The following RBM39 variants were observed in gnomAD, a reference collection of about 807,000 sequenced individuals.
RBM39 encodes the protein RNA-binding protein 39.
Under a neutral mutation model 79.6 loss-of-function variants are expected in RBM39, and 12 were observed. The ratio of observed to expected loss-of-function variants is 0.15; its 90% confidence interval spans 0.10 to 0.24. The LOEUF (loss-of-function observed/expected upper bound fraction) is 0.24. RBM39 is among the 10% of genes least tolerant of loss of function. The pLI is 1.00. For missense variants in RBM39, 243 were observed against 653.4 expected (o/e 0.37, Z 6.85); for synonymous variants, 185 against 208.4 (o/e 0.89, Z 0.97).
Position 35,729,031 on chromosome 20 carries a change from G to C in RBM39, c.416+281C>G, listed in dbSNP as rs1008334380. Reference sequence around the variant, plus strand: ...GCGGAGGTTGCAGTAAGCCAAGACTGCACTACTGCACTCCATCCTGGGTGA... The same window carrying C: ...GCGGAGGTTGCAGTAAGCCAAGACTCCACTACTGCACTCCATCCTGGGTGA... On this transcript the variant is annotated intron_variant, in intron 6 of 16. Coordinates refer to ENST00000253363, the MANE Select transcript of RBM39 (RefSeq NM_184234.3). Among the ~76,000 whole-genome samples, 8 of 151,480 alleles carry C rather than the reference G, an allele frequency of 5.3e-5. No homozygotes were observed. In the East Asian group the frequency reaches 7.8e-4, roughly 15 times the overall value.
intron 3 of RBM39, chr20:35,734,872 T>C (rs897591102): frequency 5.9e-6 from 9 of 1,515,144 alleles, no homozygotes; most frequent in Non-Finnish European, 7.0e-6. Flanking sequence ...AAATCCACAC[T>C]AATAGTCAAA....
chr20:35,738,017 C>T lies in RBM39; in HGVS notation c.101+951G>A, dbSNP rs564714461. 4.9e-4 allele frequency among the ~76,000 whole-genome samples: 74 copies of T among 151,714 alleles called. 1 individual carries two copies. The highest frequency in any genetic ancestry group is 1.0e-3 in the South Asian group (5 of 4,802). ...AAAAATAAAAAAAAAATTAGCCAGG[C>T]GTGATGGCGCGCGCCTGTAGTCCCA... On this transcript the variant is annotated intron_variant, in intron 3 of 16. Coordinates refer to ENST00000253363, the MANE Select transcript of RBM39 (RefSeq NM_184234.3).
At chr20:35,716,629 T>A (rs1180383600) in intron 10 of RBM39, 111 bp downstream of exon 10, 2 of 730,820 alleles carry the variant, frequency 2.7e-6, no homozygotes, top group East Asian at 5.5e-5. Flanking sequence ...TTTGGAAGGC[T>A]AAGGTGGGAC....
At chr20:35,720,820 ACTG>A (rs746297406) in intron 9 of RBM39, among the ~76,000 whole-genome samples, 1 of 152,306 alleles carries the variant, frequency 6.6e-6, no homozygotes, top group Non-Finnish European at 1.5e-5. Context: ...TGGGTCACAT[ACTG>A]TTAGGCAGAA....
chr20:35,723,036 C>A (rs939058920), intron 8 of RBM39, among the ~76,000 whole-genome samples: 5 of 151,810 alleles, frequency 3.3e-5, no homozygotes, highest in African/African-American at 1.2e-4. Context: ...TCTGATACCA[C>A]AAATACTAAA....
chr20:35,713,317 CTTT>C, intron 11 of RBM39: 1 of 371,630 alleles, frequency 2.7e-6, no homozygotes, highest in Non-Finnish European at 4.9e-6. Flanking sequence ...GTGAAACTCT[CTTT>C]TTTTTTTGAG....
chr20:35,719,010 T>A (rs972496914), intron 9 of RBM39, among the ~76,000 whole-genome samples: 1 of 152,032 alleles, frequency 6.6e-6, no homozygotes, highest in African/African-American at 2.4e-5. Context: ...GGGCTTCTTA[T>A]TAAAGCTGCT....
chr20:35,741,030 CTTTTTTT>C lies in RBM39; in HGVS notation c.-13-150_-13-144del, dbSNP rs572102658. 252 of 127,046 alleles carry C rather than the reference CTTTTTTT, an allele frequency of 2.0e-3. 1 individual carries two copies. Among genetic ancestry groups the C allele is most frequent in the East Asian group, 5.9e-3 (21 of 3,530 alleles). The allele number at this position is 127,046 out of a possible 1,614,324, so 7.9% of individuals were successfully genotyped here. A position where few individuals can be genotyped will look rare whatever the true frequency, so the allele number is the denominator to read the frequency against. ...GACGATTCCGTGAGTAAACATTTTT[CTTTTTTT>C]TTTTTTTTTTTTTTGAGACGGAGTT... On this transcript the variant is annotated intron_variant, in intron 1 of 16. Coordinates refer to ENST00000253363, the MANE Select transcript of RBM39 (RefSeq NM_184234.3).
intron 1 of RBM39, 111 bp from the exon 2 acceptor site, chr20:35,740,998 A>T (rs577219473): frequency 2.2e-6 from 1 of 464,334 alleles, no homozygotes; most frequent in South Asian, 2.3e-5. Context: ...GCCTAGGAAA[A>T]GAACAAGACG....
chr20:35,734,955 G>A lies in RBM39; in HGVS notation c.102-2820C>T, dbSNP rs773214185. 2.7e-5 allele frequency: 43 copies of A among 1,605,114 alleles called. No homozygotes were observed. In the Admixed American group the frequency reaches 7.1e-4, roughly 27 times the overall value. ...AAATTTTGTACTGAACATCACTGAA[G>A]TAAATGGTCCACTGGGCTGGGCCTT... is the stretch of plus-strand genomic sequence containing the variant. On this transcript the variant is annotated intron_variant, in intron 3 of 16. Coordinates refer to ENST00000253363, the MANE Select transcript of RBM39 (RefSeq NM_184234.3).
intron 12 of RBM39, among the ~76,000 whole-genome samples, chr20:35,711,824 TAC>T (rs1433440595): frequency 6.6e-6 from 1 of 152,184 alleles, no homozygotes; most frequent in East Asian, 1.9e-4. Flanking sequence ...TCTTCTCAGT[TAC>T]AGTCTCACTT....
chr20:35,710,224 T>TG (rs2036235882), intron 12 of RBM39: 1 of 152,182 alleles, frequency 6.6e-6, no homozygotes, highest in African/African-American at 2.4e-5. Context: ...ATGGGTTTCT[T>TG]GCAACATGGG....
At chr20:35,707,594 C>A in intron 13 of RBM39, 2 of 195,516 alleles carry the variant, frequency 1.0e-5, no homozygotes, top group Non-Finnish European at 1.1e-5. Context: ...CCAAATAAAT[C>A]TATATCCTTT....
chr20:35,732,870 A>G (rs550642560), intron 3 of RBM39: 1 of 152,316 alleles, frequency 6.6e-6, no homozygotes, highest in Non-Finnish European at 1.5e-5. Context: ...ATTTATAAAA[A>G]TTTTCATCAA....
At chr20:35,715,838 G>A (rs911401642) in intron 10 of RBM39, among the ~76,000 whole-genome samples, 31 of 152,012 alleles carry the variant, frequency 2.0e-4, no homozygotes, top group Non-Finnish European at 3.1e-4. Context: ...GCTAATAGGC[G>A]AGGGTCCTTG....
chr20:35,702,616 A>G lies in RBM39; in HGVS notation c.*1865T>C, dbSNP rs2035337553. 1 of 152,242 alleles carries G rather than the reference A, an allele frequency of 6.6e-6. No homozygotes were observed. Among genetic ancestry groups the G allele is most frequent in the Non-Finnish European group, 1.5e-5 (1 of 68,042 alleles). The allele number at this position is 152,242 out of a possible 1,614,324, so 9.4% of individuals were successfully genotyped here. On this transcript the variant is annotated 3_prime_UTR_variant, in exon 17 of 17. Transcript: ENST00000253363. Reference sequence around the variant, plus strand: ...TGACAGAGTGTCTCTGCCCCAAAGAACTCTGCAGTCTGGTATTGAAAAGTA... The same window carrying G: ...TGACAGAGTGTCTCTGCCCCAAAGAGCTCTGCAGTCTGGTATTGAAAAGTA...
chr20:35,705,356 A>T, intron 14 of RBM39, 26 bp from the exon 15 acceptor site: 2 of 1,238,074 alleles, frequency 1.6e-6, no homozygotes, highest in Non-Finnish European at 2.3e-6. Flanking sequence ...AAGGACTCTT[A>T]AATACTATTG....
chr20:35,708,149 CAT>C (rs1455528487), intron 13 of RBM39, among the ~76,000 whole-genome samples: 5 of 150,584 alleles, frequency 3.3e-5, no homozygotes, highest in African/African-American at 1.2e-4. Flanking sequence ...TTCTCTGTAA[CAT>C]ATAAGTTTTT....
intron 2 of RBM39, chr20:35,740,470 T>C: frequency 1.8e-6 from 2 of 1,096,676 alleles, no homozygotes; most frequent in Non-Finnish European, 2.5e-6. Context: ...TAATTCTTAG[T>C]TGAGTCATTT....
Sources: gnomAD v4.1 joint callset for allele counts (sites outside exome capture counted in the v4.1 genomes callset) on GRCh38, gnomAD v4.1.1 for gene constraint, MANE v1.5 for transcripts, NCBI Gene and HGNC (gene_info 2026-07-23, HGNC 2026-07-21) for gene names.